Variants in FRG1 observed in about 807,000 individuals in gnomAD.
The protein encoded by FRG1 is FSHD region gene 1.
Under a neutral mutation model 37.0 loss-of-function variants are expected in FRG1, and 19 were observed. The ratio of observed to expected loss-of-function variants is 0.51; its 90% CI spans 0.36 to 0.75. The LOEUF (loss-of-function observed/expected upper bound fraction) is 0.75, where lower values mean the gene tolerates loss of function less well. Among genes scored for constraint, FRG1 ranks in the 30% least tolerant of loss-of-function variants. FRG1 has a pLI of 0.00. For missense variants in FRG1, 243 were observed against 301.4 expected, an observed-to-expected ratio of 0.81 and a Z score of 1.44; for synonymous variants, 73 against 96.5, an observed-to-expected ratio of 0.76 and a Z score of 1.43.
At chr4:189,962,341 C>A (rs1326062093) in intron 8 of FRG1, among the ~76,000 whole-genome samples, 1 of 152,040 alleles carries the variant, frequency 6.6e-6, no homozygotes, top group African/African-American at 2.4e-5. Context: ...GAAATTGAAG[C>A]AGTTTTATTA....
chr4:189,962,780 C>T (rs886090593), intron 8 of FRG1, among the ~76,000 whole-genome samples: 5 of 152,144 alleles, frequency 3.3e-5, no homozygotes, highest in Non-Finnish European at 7.4e-5. Context: ...ACTTTTATCA[C>T]TTGTAATAAT....
chr4:189,954,016 C>T (rs536129858), intron 4 of FRG1, among the ~76,000 whole-genome samples: 1 of 151,878 alleles, frequency 6.6e-6, no homozygotes, highest in East Asian at 1.9e-4. Flanking sequence ...CTGATGACCC[C>T]AGTAGAAAAA....
chr4:189,948,576 A>G (rs1345768557), intron 2 of FRG1, among the ~76,000 whole-genome samples: 2 of 152,160 alleles, frequency 1.3e-5, no homozygotes, highest in Non-Finnish European at 2.9e-5. Context: ...GGCCCTTAGC[A>G]CGGAAGCACT....
At chr4:189,944,507 C>G (rs1358929513) in intron 2 of FRG1, among the ~76,000 whole-genome samples, 1 of 151,786 alleles carries the variant, frequency 6.6e-6, no homozygotes, top group Admixed American at 6.6e-5. Flanking sequence ...GGAAAATATT[C>G]TACATTGTCT....
chr4:189,961,762 A>G (rs375714692), intron 7 of FRG1, 60 bp from the exon 8 acceptor site: 2 of 720,398 alleles, frequency 2.8e-6, no homozygotes, highest in South Asian at 1.8e-5. Flanking sequence ...TATAAATTTA[A>G]TAGTAAATAT....
chr4:189,941,129 C>G (rs951756219), intron 1 of FRG1, 58 bp downstream of exon 1: 6 of 1,458,334 alleles, frequency 4.1e-6, no homozygotes, highest in Admixed American at 1.7e-5. Flanking sequence ...CACTCCACCC[C>G]CGCAACTCCG....
intron 6 of FRG1, among the ~76,000 whole-genome samples, chr4:189,959,239 T>C (rs749801179): frequency 3.2e-4 from 49 of 152,324 alleles, no homozygotes; most frequent in African/African-American, 1.1e-3. Flanking sequence ...CAATCTAAAA[T>C]GTAGGTATTT....
chr4:189,952,563 A>G (rs1309475494), intron 3 of FRG1, among the ~76,000 whole-genome samples: 3 of 152,246 alleles, frequency 2.0e-5, no homozygotes, highest in Non-Finnish European at 2.9e-5. Flanking sequence ...AAGAAAAAAG[A>G]AAACCTATTT....
chr4:189,947,398 T>C (rs1030082182), intron 2 of FRG1, among the ~76,000 whole-genome samples: 2 of 152,250 alleles, frequency 1.3e-5, no homozygotes, highest in African/African-American at 4.8e-5. Context: ...TTTAACCTTA[T>C]TTCTGTTAAA....
At chr4:189,951,489 CAA>C (rs70947948) in intron 2 of FRG1, among the ~76,000 whole-genome samples, 39,738 of 114,208 alleles carry the variant, frequency 0.35, 5,438 homozygotes, top group Middle Eastern at 0.5. Flanking sequence ...GTCTCCGTCT[CAA>C]AAAAAAAAAA....
chr4:189,944,613 CTT>C (rs70947946), intron 2 of FRG1, among the ~76,000 whole-genome samples: 2 of 148,982 alleles, frequency 1.3e-5, no homozygotes, highest in African/African-American at 2.5e-5. Flanking sequence ...TCAAGATTTA[CTT>C]TTTTTTTTTA....
At position 189,962,672 on chromosome 4, in the gene FRG1, A is replaced by T. The variant is rs1579650398; in HGVS notation, c.741-421A>T. Among the ~76,000 whole-genome samples, 4 of 152,326 alleles carry T rather than the reference A, an allele frequency of 2.6e-5. No individual in the cohort carries two copies. In the South Asian group the frequency reaches 8.3e-4, roughly 32 times the overall value. ...TAATGTTAAGAATTTTTTCCAGCTG[A>T]GCAAATGAATATGTATCTCATTGTA... On this transcript the variant is annotated intron_variant, in intron 8 of 8. Coordinates refer to ENST00000226798, the MANE Select transcript of FRG1 (RefSeq NM_004477.3).
chr4:189,955,182 C>T (rs759189923), intron 5 of FRG1, 31 bp downstream of exon 5: 3 of 1,356,648 alleles, frequency 2.2e-6, no homozygotes, highest in Non-Finnish European at 3.2e-6. Context: ...TAAAAACTTC[C>T]TGTCAGTTTA....
intron 1 of FRG1, among the ~76,000 whole-genome samples, chr4:189,941,278 A>T (rs990595568): frequency 2.0e-5 from 3 of 152,104 alleles, no homozygotes; most frequent in African/African-American, 4.8e-5. Context: ...ACGACCCTGG[A>T]AACAGGATAG....
Position 189,946,672 on chromosome 4 carries a change from G to A in FRG1, c.133+3400G>A, listed in dbSNP as rs114620147. On this transcript the variant is annotated intron_variant, in intron 2 of 8. Coordinates refer to ENST00000226798, the MANE Select transcript of FRG1 (RefSeq NM_004477.3). ...TTGTGATTTTTCTTTTCATGGACACGTGAGTTATTTAAAAGTATATTGTTT... is the reference window on the plus strand; with the variant it reads ...TTGTGATTTTTCTTTTCATGGACACATGAGTTATTTAAAAGTATATTGTTT... Among the ~76,000 whole-genome samples, 15 of 152,150 alleles carry A rather than the reference G, an allele frequency of 9.9e-5. No individual in the cohort carries two copies. The East Asian group carries it at 1.9e-3, about 20-fold the overall frequency.
chr4:189,940,921 T>A lies in FRG1; in HGVS notation c.-89T>A. The A allele has an allele frequency of 2.0e-6, 2 of 1,011,520 alleles. No homozygotes were observed. The highest frequency in any genetic ancestry group is 3.0e-6 in the Non-Finnish European group (2 of 659,056). 62.7% of individuals were successfully genotyped at this position (1,011,520 alleles called of 1,614,324 possible). On this transcript the variant is annotated 5_prime_UTR_variant, in exon 1 of 9. Transcript: ENST00000226798. ...CAGGGAGTGTTTATTTCGCGTCCGC[T>A]TCTGTTTCTCCGCGCCCCTGTGCTG...
At chr4:189,941,127 C>G in intron 1 of FRG1, 56 bp downstream of exon 1, 1 of 1,461,240 alleles carries the variant, frequency 6.8e-7, no homozygotes, top group Non-Finnish European at 9.6e-7. Context: ...CGCACTCCAC[C>G]CCCGCAACTC....
At chr4:189,958,777 C>G (rs796590208) in intron 6 of FRG1, among the ~76,000 whole-genome samples, 1 of 138,136 alleles carries the variant, frequency 7.2e-6, no homozygotes, top group African/African-American at 2.6e-5. Flanking sequence ...ACATTTAAGG[C>G]TTAATTTTTT....
chr4:189,952,194 A>G lies in FRG1; in HGVS notation c.166A>G (p.Ile56Val), dbSNP rs1291400692. The change falls in exon 3 of 9, where the codon ATT becomes GTT. Residue 56 changes from isoleucine to valine, a missense_variant. Physicochemically the swap from Ile to Val is conservative, Grantham distance 29 (BLOSUM62 3). Around this residue, in one of 2 missense-constraint regions of FRG1, gnomAD observed 110 missense variants for 102.2 expected, o/e 1.08. Transcript: ENST00000226798. Reference sequence around the variant, plus strand: ...GTGGACAGTAACAAACTTTGGTGAAATTTCAGGAACCATAGCCATTGAAAT... The same window carrying G: ...GTGGACAGTAACAAACTTTGGTGAAGTTTCAGGAACCATAGCCATTGAAAT... ...IWWTVTNFGE[I>V]SGTIAIEMDK... 1 of 1,600,024 alleles carries G rather than the reference A, an allele frequency of 6.2e-7. No homozygotes were observed. The highest frequency in any genetic ancestry group is 1.7e-5 in the Admixed American group (1 of 59,462).
Sources: gnomAD v4.1 joint callset for allele counts (sites outside exome capture counted in the v4.1 genomes callset) on GRCh38, gnomAD v4.1.1 for gene constraint, gnomAD v4.1.1 regional missense constraint, MANE v1.5 for transcripts, NCBI Gene and HGNC (gene_info 2026-07-23, HGNC 2026-07-21) for gene names.